The following PTPRA variants were observed in gnomAD, a reference collection of about 807,000 sequenced individuals.
The protein encoded by PTPRA is receptor-type tyrosine-protein phosphatase alpha.
Under a neutral mutation model 104.8 loss-of-function variants are expected in PTPRA, and 25 were observed. The ratio of observed to expected loss-of-function variants is 0.24; its 90% confidence interval spans 0.17 to 0.33. The LOEUF (loss-of-function observed/expected upper bound fraction) is 0.33, where lower values mean the gene tolerates loss of function less well. Among genes scored for constraint, PTPRA ranks in the 10% least tolerant of loss-of-function variants. The probability of loss-of-function intolerance (pLI) is 1.00; values close to 1 mark genes in which losing one functional copy is unlikely to be tolerated. For missense variants in PTPRA, 765 were observed against 1,015.3 expected (o/e 0.75, Z 3.35); for synonymous variants, 323 against 368.9 (o/e 0.88, Z 1.43).
chr20:2,898,877 G>A (rs2059122176), intron 1 of PTPRA, among the ~76,000 whole-genome samples: 1 of 152,096 alleles, frequency 6.6e-6, no homozygotes, highest in Admixed American at 6.6e-5. Flanking sequence ...AAATTTCTGG[G>A]CTCATCTTTA....
intron 1 of PTPRA, among the ~76,000 whole-genome samples, chr20:2,921,241 A>T (rs2060084260): frequency 6.6e-6 from 1 of 151,666 alleles, no homozygotes; most frequent in Non-Finnish European, 1.5e-5. Context: ...ACTTTGATTT[A>T]ACAAATGAGG....
intron 1 of PTPRA, among the ~76,000 whole-genome samples, chr20:2,910,298 A>G (rs2059635168): frequency 7.5e-6 from 1 of 132,802 alleles, no homozygotes; most frequent in African/African-American, 2.8e-5. Context: ...AATATGTATT[A>G]TATATTTTAT....
intron 2 of PTPRA, among the ~76,000 whole-genome samples, chr20:2,930,105 G>A (rs1600129299): frequency 6.6e-6 from 1 of 152,274 alleles, no homozygotes. Flanking sequence ...TGAACCCACC[G>A]AGTCTGTGAT....
At chr20:2,979,565 C>T (rs778626283) in intron 6 of PTPRA, among the ~76,000 whole-genome samples, 21 of 152,174 alleles carry the variant, frequency 1.4e-4, no homozygotes, top group Non-Finnish European at 2.9e-4. Flanking sequence ...CATGCTCTGT[C>T]GCCCAGGCTG....
At chr20:2,994,491 T>C (rs945024500) in intron 9 of PTPRA, among the ~76,000 whole-genome samples, 47 of 152,222 alleles carry the variant, frequency 3.1e-4, no homozygotes. Flanking sequence ...AAATAGTCCC[T>C]TCCACTAGCA....
At chr20:2,898,935 G>C (rs1030623579) in intron 1 of PTPRA, among the ~76,000 whole-genome samples, 6 of 152,206 alleles carry the variant, frequency 3.9e-5, no homozygotes, top group African/African-American at 1.4e-4. Flanking sequence ...AGGGAACCCT[G>C]GTTCCTTTTA....
chr20:2,877,044 T>C (rs982708827), intron 1 of PTPRA, among the ~76,000 whole-genome samples: 1 of 152,164 alleles, frequency 6.6e-6, no homozygotes, highest in Non-Finnish European at 1.5e-5. Context: ...CTCATGTTTG[T>C]ATTTGCCAGC....
chr20:2,873,147 G>A (rs1482125447), upstream of PTPRA, among the ~76,000 whole-genome samples: 5 of 152,210 alleles, frequency 3.3e-5, no homozygotes, highest in Admixed American at 3.3e-4. This position sits in a 1 kb window ranked among gnomAD's most constrained non-coding sequence, Gnocchi z 4.4. Flanking sequence ...GCTAGACATT[G>A]GTGTAGTTTG....
chr20:2,951,294 G>T (rs189781370), intron 3 of PTPRA, among the ~76,000 whole-genome samples: 1 of 152,048 alleles, frequency 6.6e-6, no homozygotes, highest in Non-Finnish European at 1.5e-5. Context: ...TAGAGACGGG[G>T]TTTCACCATG....
intron 9 of PTPRA, among the ~76,000 whole-genome samples, chr20:2,995,777 G>A (rs868432263): frequency 1.3e-5 from 2 of 152,104 alleles, no homozygotes; most frequent in Non-Finnish European, 2.9e-5. Flanking sequence ...TCATTTCAAG[G>A]TGAGCATTTG....
intron 2 of PTPRA, among the ~76,000 whole-genome samples, chr20:2,934,125 G>A (rs183798262): frequency 4.0e-4 from 61 of 152,108 alleles, no homozygotes; most frequent in African/African-American, 1.3e-3. Context: ...AATTTTCTGC[G>A]GATTCCTAAA....
chr20:3,032,540 G>A (rs1219612595), intron 20 of PTPRA, among the ~76,000 whole-genome samples: 1 of 151,996 alleles, frequency 6.6e-6, no homozygotes, highest in Non-Finnish European at 1.5e-5. Flanking sequence ...GGCCAAGGTG[G>A]GCGGATCACA....
At chr20:2,892,274 A>G (rs1035133557) in intron 1 of PTPRA, among the ~76,000 whole-genome samples, 4 of 144,832 alleles carry the variant, frequency 2.8e-5, no homozygotes, top group African/African-American at 1.0e-4. Flanking sequence ...TGGGCAACAG[A>G]ATGAGACTCT....
Position 3,022,373 on chromosome 20 carries a change from G to A in PTPRA, c.1328+153G>A, listed in dbSNP as rs1419003644. Among the ~76,000 whole-genome samples, 1 of 152,220 alleles carries A rather than the reference G, an allele frequency of 6.6e-6. No homozygotes were observed. Among genetic ancestry groups the A allele is most frequent in the African/African-American group, 2.4e-5 (1 of 41,452 alleles). On this transcript the variant is annotated intron_variant, in intron 15 of 23. Transcript: ENST00000399903. This position sits in a 1 kb window ranked among gnomAD's most constrained non-coding sequence, Gnocchi z 4.6. ...CAACAGCCAGAGACTCCAAGTTCTAGTGCAGGGTGGAGAATATGACTTGAG... is the reference window on the plus strand; with the variant it reads ...CAACAGCCAGAGACTCCAAGTTCTAATGCAGGGTGGAGAATATGACTTGAG...
chr20:2,912,266 T>C (rs1285990335), intron 1 of PTPRA, among the ~76,000 whole-genome samples: 1 of 144,522 alleles, frequency 6.9e-6, no homozygotes, highest in Non-Finnish European at 1.5e-5. Flanking sequence ...ATTTTGAAAA[T>C]ATACAGAAGT....
chr20:2,891,826 A>C (rs2058802920), intron 1 of PTPRA, among the ~76,000 whole-genome samples: 1 of 152,184 alleles, frequency 6.6e-6, no homozygotes, highest in South Asian at 2.1e-4. Flanking sequence ...ACCTATGCAC[A>C]TCCTCCTGTG....
chr20:2,959,561 A>G (rs2061670668), intron 3 of PTPRA, among the ~76,000 whole-genome samples: 1 of 152,184 alleles, frequency 6.6e-6, no homozygotes, highest in African/African-American at 2.4e-5. Context: ...TTTTTAAAAT[A>G]GACTTTTTTT....
chr20:3,024,684 A>C, intron 17 of PTPRA, 63 bp downstream of exon 17: 1 of 1,586,594 alleles, frequency 6.3e-7, no homozygotes, highest in Non-Finnish European at 8.6e-7. Context: ...GGAACATGGG[A>C]TGCCTGACTG....
At chr20:2,989,976 T>C (rs541096101) in intron 9 of PTPRA, among the ~76,000 whole-genome samples, 59 of 152,240 alleles carry the variant, frequency 3.9e-4, no homozygotes, top group South Asian at 1.4e-3. Flanking sequence ...GAGATCATGC[T>C]ACTGCACTGC....
Sources: gnomAD v4.1 joint callset for allele counts (sites outside exome capture counted in the v4.1 genomes callset) on GRCh38, gnomAD v4.1.1 for gene constraint, Gnocchi (gnomAD v3.1) non-coding constraint, MANE v1.5 for transcripts, NCBI Gene and HGNC (gene_info 2026-07-23, HGNC 2026-07-21) for gene names.